Variants in STAT2 observed in about 807,000 individuals in gnomAD.
STAT2 encodes the protein signal transducer and activator of transcription 2, also known as interferon alpha induced transcriptional activator.
In STAT2, 51 loss-of-function variants were observed where a neutral mutation model predicts 122.3. The observed-to-expected ratio is 0.42, with a 90% CI of 0.33 to 0.53. The LOEUF is 0.53. Among genes scored for constraint, STAT2 ranks in the 20% least tolerant of loss-of-function variants. STAT2 has a pLI of 0.10. For synonymous variants in STAT2, 351 were observed against 394.9 expected, an observed-to-expected ratio of 0.89 and a Z score of 1.32; for missense variants, 736 against 1,010.3, an observed-to-expected ratio of 0.73 and a Z score of 3.68.
chr12:56,353,995 C>CCA (rs1565657180), intron 8 of STAT2, among the ~76,000 whole-genome samples: 5 of 12,770 alleles, frequency 3.9e-4, no homozygotes, highest in Non-Finnish European at 6.3e-4. Flanking sequence ...GACTCCGTCT[C>CCA]AAAAAAAAAA....
At chr12:56,350,253 A>G in intron 12 of STAT2, 63 bp from the exon 13 acceptor site, 1 of 1,482,354 alleles carries the variant, frequency 6.7e-7, no homozygotes. Flanking sequence ...TCAGCAGAAA[A>G]AAAAAAACAG....
At chr12:56,356,623 C>A in intron 1 of STAT2, 45 bp from the exon 2 acceptor site, 4 of 1,602,554 alleles carry the variant, frequency 2.5e-6, no homozygotes, top group Non-Finnish European at 3.4e-6. Context: ...TTTTGCTGGA[C>A]TAAATCATCC....
chr12:56,353,972 G>A (rs1375949146), intron 8 of STAT2, among the ~76,000 whole-genome samples: 4 of 91,358 alleles, frequency 4.4e-5, no homozygotes, highest in African/African-American at 1.7e-4. Context: ...CTCCAGCCTG[G>A]GCAACAGAGA....
At chr12:56,347,568 T>C (rs1228907032) in intron 19 of STAT2, among the ~76,000 whole-genome samples, 3 of 152,004 alleles carry the variant, frequency 2.0e-5, no homozygotes, top group African/African-American at 4.8e-5. Flanking sequence ...AATGGCACGA[T>C]CTTGGCTCAC....
intron 8 of STAT2, among the ~76,000 whole-genome samples, chr12:56,354,016 A>AAAAAAAAAAATAT (rs71081350): frequency 6.6e-4 from 11 of 16,674 alleles, no homozygotes; most frequent in African/African-American, 1.2e-3. Context: ...AAAAAAAAAA[A>AAAAAAAAAAATAT]ATATATATAT....
chr12:56,353,951 G>A (rs552415259), intron 8 of STAT2, among the ~76,000 whole-genome samples: 45 of 131,472 alleles, frequency 3.4e-4, no homozygotes, highest in Middle Eastern at 4.3e-3. Context: ...AGCTGAGATC[G>A]TGCCACTGCG....
In STAT2 at chr12:56,346,189, G is replaced by A. The variant is rs746480042; in HGVS notation, c.2059C>T (p.Arg687Trp). The A allele has an allele frequency of 1.4e-5, 23 of 1,614,112 alleles. No individual in the cohort carries two copies. Among genetic ancestry groups the A allele is most frequent in the Non-Finnish European group, 1.9e-5 (22 of 1,180,004 alleles). ...AGCCTGTGTTTCAGGTATTTCCTCC[G>A]TTCCTGGAGATTAACTGTGAGGAAC... is the stretch of plus-strand genomic sequence containing the variant. ...YYQEKVNLQE[R>W]RKYLKHRLIV... The change falls in exon 22 of 24, where the codon CGG (arginine) becomes TGG (tryptophan). Residue 687 changes from arginine (R) to tryptophan (W), a missense_variant. Transcript: ENST00000314128.
Position 56,348,701 on chromosome 12 carries a change from T to G in STAT2, c.1629+51A>C, listed in dbSNP as rs539775694. 101 of 1,613,470 alleles carry G rather than the reference T, an allele frequency of 6.3e-5. No individual in the cohort carries two copies. The Admixed American group carries it at 1.0e-3, about 17-fold the overall frequency. ...GGAAGGAGGGACGTGGGAAGGCCAGTATTTGGAATGTGGGCTAGATCCAGC... is the reference window on the plus strand; with the variant it reads ...GGAAGGAGGGACGTGGGAAGGCCAGGATTTGGAATGTGGGCTAGATCCAGC... On this transcript the variant is annotated intron_variant, in intron 18 of 23. Coordinates refer to ENST00000314128, the MANE Select transcript of STAT2 (RefSeq NM_005419.4).
rs2136052162 is a variant in STAT2, at chr12:56,348,775, A to G, written c.1606T>C (p.Leu536=). ...GQNCRTEDPL[L]SWADFTKRES... is the part of the protein sequence containing the mutation. ...ACCTTAGTGAAGTCAGCCCAGGACA[A>G]TAATGGATCCTCAGTCCTACAGTTC... The change falls in exon 18 of 24, where the codon TTG becomes CTG. Residue 536 remains leucine, a synonymous_variant. Transcript: ENST00000314128. 3 of 1,614,218 alleles carry G rather than the reference A, an allele frequency of 1.9e-6. No homozygotes were observed. Among genetic ancestry groups the G allele is most frequent in the Admixed American group, 1.7e-5 (1 of 60,024 alleles).
At chr12:56,354,040 T>TATATATATAA (rs1157971570) in intron 8 of STAT2, among the ~76,000 whole-genome samples, 5 of 53,360 alleles carry the variant, frequency 9.4e-5, no homozygotes, top group African/African-American at 2.7e-4. Flanking sequence ...TATATATATA[T>TATATATATAA]AAAAAATACT....
intron 8 of STAT2, chr12:56,352,370 T>TTTTTG (rs1281164003): frequency 7.5e-6 from 1 of 132,504 alleles, no homozygotes. Flanking sequence ...TTTTTTTTTT[T>TTTTTG]TGGTGGGGGT....
At position 56,349,179 on chromosome 12, in the gene STAT2, A is replaced by G. The variant is rs369548913; in HGVS notation, c.1424T>C (p.Leu475Pro). The G allele has an allele frequency of 2.5e-6, 4 of 1,614,000 alleles. No homozygotes were observed. Among genetic ancestry groups the G allele is most frequent in the African/African-American group, 1.3e-5 (1 of 74,892 alleles). Reference sequence around the variant, plus strand: ...CTCCCCTACCTGAAGGTTTGGGCTGAGCAAATTGAACCAGAGAACTGAAGC... The same window carrying G: ...CTCCCCTACCTGAAGGTTTGGGCTGGGCAAATTGAACCAGAGAACTGAAGC... ...AWASVLWFNL[L>P]SPNLQNQQFF... is the part of the protein sequence containing the mutation. The change falls in exon 16 of 24, where the codon CTC becomes CCC. Residue 475 changes from leucine to proline, a missense_variant. Leu to Pro is a moderately conservative substitution (Grantham distance 98). Transcript: ENST00000314128.
rs1878133364 is a variant in STAT2 at position 56,349,658 on chromosome 12, A to G, written c.1210-22T>C. The G allele has an allele frequency of 2.5e-6, 4 of 1,613,998 alleles. 1 individual carries two copies. The South Asian group carries it at 3.3e-5, about 13-fold the overall frequency. On this transcript the variant is annotated intron_variant, in intron 13 of 23. Transcript: ENST00000314128. ...GAGTCTGTGAATTGAAGGGAAGGAG[A>G]GAAAATGCCAGAGTGGGCACCCTAG...
intron 18 of STAT2, 58 bp from the exon 19 acceptor site, chr12:56,348,681 G>A (rs1184111454): frequency 1.2e-6 from 2 of 1,614,010 alleles, no homozygotes; most frequent in Admixed American, 1.7e-5. Flanking sequence ...TGTAGGGAAG[G>A]AGGGACGTGG....
In STAT2 at chr12:56,351,175, T is replaced by A; in HGVS notation, c.957A>T (p.Glu319Asp). The A allele has an allele frequency of 6.2e-7, 1 of 1,613,906 alleles. No homozygotes were observed. Among genetic ancestry groups the A allele is most frequent in the South Asian group, 1.1e-5 (1 of 91,028 alleles). Reference protein sequence around the residue: ...QRLLHRAFVVETQPCMPQTPH... With the variant: ...QRLLHRAFVVDTQPCMPQTPH... ...GAGTTTGGGGCATGCAGGGCTGGGT[T>A]TCTACCACAAAGGCTCTGAGGAGAG... is the stretch of plus-strand genomic sequence containing the variant. Residue 319 changes from glutamate to aspartate, a missense_variant, in exon 10 of 24, where the codon GAA becomes GAT. Transcript: ENST00000314128.
At position 56,349,035 on chromosome 12, in the gene STAT2, G is replaced by C. The variant is rs149351309; in HGVS notation, c.1465C>G (p.Pro489Ala). 30 of 1,613,638 alleles carry C rather than the reference G, an allele frequency of 1.9e-5. No homozygotes were observed. Among genetic ancestry groups the C allele is most frequent in the South Asian group, 3.3e-5 (3 of 91,008 alleles). The change falls in exon 17 of 24, where the codon CCC becomes GCC. Residue 489 changes from proline (P) to alanine (A), a missense_variant. Pro to Ala is a conservative substitution (Grantham distance 27, BLOSUM62 -1). Coordinates refer to ENST00000314128, the MANE Select transcript of STAT2 (RefSeq NM_005419.4). ...LQNQQFFSNP[P>A]KAPWSLLGPA... is the part of the protein sequence containing the mutation. ...CCCAGCAAGCTCCAGGGGGCCTTGG[G>C]GGGGTTGGAGAAGAACTGCTGGTTC...
intron 23 of STAT2, 91 bp from the exon 24 acceptor site, chr12:56,343,622 C>G (rs1251865862): frequency 1.9e-6 from 3 of 1,549,810 alleles, no homozygotes; most frequent in Non-Finnish European, 2.6e-6. Context: ...CAGGAAAGGC[C>G]TGGGAAGAGC....
intron 1 of STAT2, among the ~76,000 whole-genome samples, chr12:56,357,490 G>C (rs1592221001): frequency 6.6e-6 from 1 of 151,166 alleles, no homozygotes. Context: ...ATAGGCTCCC[G>C]CCACCATGCC....
chr12:56,355,658 G>A (rs1289215653), intron 4 of STAT2, 50 bp downstream of exon 4: 3 of 1,598,802 alleles, frequency 1.9e-6, no homozygotes, highest in Non-Finnish European at 2.6e-6. Context: ...CCTTTCCATG[G>A]TTCCTCTCTA....
Sources: allele counts gnomAD v4.1 joint callset (sites outside exome capture counted in the v4.1 genomes callset), GRCh38; gene constraint gnomAD v4.1.1; transcripts MANE v1.5; gene names NCBI Gene and HGNC (gene_info 2026-07-23, HGNC 2026-07-21).